The following CPM variants were observed in gnomAD, a reference collection of about 807,000 sequenced individuals.
CPM encodes the protein carboxypeptidase M.
Under a neutral mutation model 46.4 loss-of-function variants are expected in CPM, and 35 were observed. The ratio of observed to expected loss-of-function variants is 0.75; its 90% CI spans 0.58 to 1.00. The LOEUF (loss-of-function observed/expected upper bound fraction) is 1.00. Among genes scored for constraint, CPM ranks in the 50% least tolerant of loss-of-function variants. CPM has a pLI of 0.00. For synonymous variants in CPM, 195 were observed against 195.3 expected, an observed-to-expected ratio of 1.00 and a Z score of 0.01; for missense variants, 422 against 530.4, an observed-to-expected ratio of 0.80 and a Z score of 2.01.
downstream of CPM, chr12:68,846,688 T>G (rs1282490751): frequency 6.6e-6 from 1 of 152,190 alleles, no homozygotes; most frequent in African/African-American, 2.4e-5. Flanking sequence ...TTCTACTGGA[T>G]TATTTTAGAC....
At chr12:68,844,539 T>C (rs768293562) in intron 5 of CPM, 19 of 228,226 alleles carry the variant, frequency 8.3e-5, no homozygotes, top group Non-Finnish European at 1.5e-4. Flanking sequence ...GTACCACTTG[T>C]CAGCGTGAAA....
At chr12:68,936,672 C>T (rs1330446568), upstream of CPM, among the ~76,000 whole-genome samples, 2 of 152,274 alleles carry the variant, frequency 1.3e-5, no homozygotes, top group East Asian at 3.9e-4. Flanking sequence ...GTGTGAGCCA[C>T]CAGGCCTGGA....
At chr12:68,872,504 C>CAGGCATG (rs1885751663) in intron 3 of CPM, among the ~76,000 whole-genome samples, 1 of 152,146 alleles carries the variant, frequency 6.6e-6, no homozygotes, top group Non-Finnish European at 1.5e-5. Context: ...CCACCTGCCT[C>CAGGCATG]AGACACCCAA....
chr12:68,872,841 T>C (rs1885771219), intron 3 of CPM, among the ~76,000 whole-genome samples: 2 of 152,150 alleles, frequency 1.3e-5, no homozygotes, highest in East Asian at 1.9e-4. Flanking sequence ...ATATTTCTAA[T>C]ATATATTAAG....
At chr12:68,864,384 G>C (rs1441026378) in intron 7 of CPM, among the ~76,000 whole-genome samples, 5 of 152,152 alleles carry the variant, frequency 3.3e-5, no homozygotes, top group Admixed American at 1.3e-4. Context: ...GGAGGTTACA[G>C]TGAGCCGAGA....
intron 2 of CPM, among the ~76,000 whole-genome samples, chr12:68,901,795 A>G (rs1887124809): frequency 1.3e-5 from 2 of 152,194 alleles, no homozygotes; most frequent in South Asian, 4.1e-4. Flanking sequence ...TTCAGTCTCA[A>G]TTAGATCACC....
upstream of CPM, among the ~76,000 whole-genome samples, chr12:68,935,250 G>T (rs200043528): frequency 9.1e-5 from 2 of 21,964 alleles, no homozygotes; most frequent in South Asian, 2.1e-3. Context: ...TTTATTGTTT[G>T]TTTGTTTGTT....
In CPM at chr12:68,866,932, C is replaced by T. The variant is rs1333259215; in HGVS notation, c.904G>A (p.Ala302Thr). ...KLPSFWNNNK[A>T]SLIEYIKQVH... ...TGCTTTATATATTCAATTAATGAGG[C>T]TTTGTTATTATTCCAAAAGGATGGA... The change falls in exon 7 of 9, where the codon GCC becomes ACC. Residue 302 changes from alanine to threonine, a missense_variant. By Grantham distance (58) the Ala-to-Thr change is moderately conservative. Coordinates refer to ENST00000551568, the MANE Select transcript of CPM (RefSeq NM_198320.5). 1 of 1,614,034 alleles carries T rather than the reference C, an allele frequency of 6.2e-7. No individual in the cohort carries two copies. The highest frequency in any genetic ancestry group is 1.1e-5 in the South Asian group (1 of 91,022).
At chr12:68,883,097 A>AGT (rs1203730097) in intron 3 of CPM, among the ~76,000 whole-genome samples, 1 of 152,194 alleles carries the variant, frequency 6.6e-6, no homozygotes, top group East Asian at 1.9e-4. Flanking sequence ...CCTGCCACTC[A>AGT]GTGTGTATGT....
chr12:68,938,150 G>C (rs1220464464), upstream of CPM, among the ~76,000 whole-genome samples: 1 of 152,152 alleles, frequency 6.6e-6, no homozygotes, highest in East Asian at 1.9e-4. Context: ...TAGACTTTGT[G>C]ACTTTCAAAC....
intron 5 of CPM, 57 bp downstream of exon 5, chr12:68,870,158 G>C: frequency 1.3e-6 from 2 of 1,529,340 alleles, no homozygotes; most frequent in Non-Finnish European, 1.8e-6. Flanking sequence ...CAGAGGCAGA[G>C]AGTTTTCAGC....
chr12:68,955,537 T>C (rs1309861332), intron 1 of CPM, among the ~76,000 whole-genome samples: 1 of 152,026 alleles, frequency 6.6e-6, no homozygotes, highest in African/African-American at 2.4e-5. Context: ...GTTTAATTTA[T>C]ACCTCTTTTA....
intron 5 of CPM, chr12:68,844,296 T>G (rs1884072585): frequency 4.5e-6 from 1 of 221,404 alleles, no homozygotes; most frequent in Admixed American, 5.8e-5. Context: ...TTTCTTTTTC[T>G]GGAATGGCCA....
At chr12:68,869,705 A>G (rs1885604841) in intron 5 of CPM, among the ~76,000 whole-genome samples, 1 of 152,232 alleles carries the variant, frequency 6.6e-6, no homozygotes, top group Non-Finnish European at 1.5e-5. Flanking sequence ...ATACAAATCC[A>G]AACTCCTAAA....
At chr12:68,960,527 G>A (rs1022250098) in intron 1 of CPM, among the ~76,000 whole-genome samples, 2 of 152,160 alleles carry the variant, frequency 1.3e-5, no homozygotes, top group East Asian at 1.9e-4. Flanking sequence ...GCTGAATCTT[G>A]AATAAAAGGG....
chr12:68,845,947 C>G (rs1025540555), intron 5 of CPM: 1 of 151,618 alleles, frequency 6.6e-6, no homozygotes, highest in Admixed American at 6.6e-5. Context: ...CCCCCACCTC[C>G]CCCGACCCCG....
chr12:68,876,470 A>T (rs186513489), intron 3 of CPM, among the ~76,000 whole-genome samples: 171 of 152,334 alleles, frequency 1.1e-3, no homozygotes, highest in African/African-American at 4.0e-3. Flanking sequence ...CCCTTCATTG[A>T]AAATTAAGTC....
In CPM at chr12:68,852,583, G is replaced by T. The variant is rs138943330; in HGVS notation, c.*3854C>A. On this transcript the variant is annotated 3_prime_UTR_variant, in exon 9 of 9. Transcript: ENST00000551568. ...TTTTTTTTTTTTGAGACAGAGGTTC[G>T]CTCTGTCACCCCGGCTGGAGTGCAG... 1 of 147,608 alleles carries T rather than the reference G, an allele frequency of 6.8e-6. No individual in the cohort carries two copies. Among genetic ancestry groups the T allele is most frequent in the Non-Finnish European group, 1.5e-5 (1 of 67,242 alleles). The allele number at this position is 147,608 out of a possible 1,614,324, so 9.1% of individuals were successfully genotyped here.
chr12:68,883,933 TA>T (rs34696352), intron 3 of CPM, among the ~76,000 whole-genome samples: 68,642 of 136,578 alleles, frequency 0.5, 17,389 homozygotes, highest in Non-Finnish European at 0.56. Context: ...CCATCTCTAC[TA>T]AAAAAAAAAA....
Sources: gnomAD v4.1 joint callset for allele counts (sites outside exome capture counted in the v4.1 genomes callset) on GRCh38, gnomAD v4.1.1 for gene constraint, MANE v1.5 for transcripts, NCBI Gene and HGNC (gene_info 2026-07-23, HGNC 2026-07-21) for gene names.